Variants in LDB2 observed in about 807,000 individuals in gnomAD.
LDB2 encodes the protein LIM domain binding 2, also known as LIM domain-binding protein 2.
A neutral mutation model predicts 44.3 loss-of-function variants in LDB2; 12 were observed. The ratio of observed to expected loss-of-function variants is 0.27; its 90% confidence interval spans 0.17 to 0.44. The LOEUF is 0.44. Among genes scored for constraint, LDB2 ranks in the 20% least tolerant of loss-of-function variants. LDB2 has a pLI of 1.00. For missense variants in LDB2, 344 were observed against 473.5 expected, an observed-to-expected ratio of 0.73 and a Z score of 2.54; for synonymous variants, 164 against 174.8, an observed-to-expected ratio of 0.94 and a Z score of 0.49.
intron 1 of LDB2, among the ~76,000 whole-genome samples, chr4:16,873,085 T>G (rs936144747): frequency 1.9e-4 from 29 of 152,066 alleles, no homozygotes; most frequent in Non-Finnish European, 2.9e-4. Context: ...GAATGGTGTA[T>G]CGGGCATTTC....
chr4:16,822,172 G>T (rs1385417293), intron 1 of LDB2, among the ~76,000 whole-genome samples: 2 of 151,876 alleles, frequency 1.3e-5, no homozygotes, highest in East Asian at 3.9e-4. Flanking sequence ...CAGCTCAGCT[G>T]CTATCTGTGT....
intron 1 of LDB2, among the ~76,000 whole-genome samples, chr4:16,895,120 T>TAAAAAAAA (rs71181199): frequency 8.0e-6 from 1 of 124,666 alleles, no homozygotes; most frequent in Non-Finnish European, 1.7e-5. Context: ...TTTTTCATGC[T>TAAAAAAAA]AAAAAAAAAA....
chr4:16,776,742 GA>G (rs1579564557), intron 1 of LDB2, among the ~76,000 whole-genome samples: 2 of 152,226 alleles, frequency 1.3e-5, no homozygotes, highest in African/African-American at 4.8e-5. Flanking sequence ...GTGTACAGCA[GA>G]AAAGCAGTAA....
chr4:16,614,769 T>A (rs938584799), intron 2 of LDB2, among the ~76,000 whole-genome samples: 2 of 151,660 alleles, frequency 1.3e-5, no homozygotes, highest in African/African-American at 4.8e-5. Context: ...AGAATGGTGA[T>A]TAGTAAAAAG....
At chr4:16,520,618 C>T (rs1431014598) in intron 5 of LDB2, among the ~76,000 whole-genome samples, 2 of 152,194 alleles carry the variant, frequency 1.3e-5, no homozygotes, top group Non-Finnish European at 2.9e-5. Context: ...ACCCTGGAGA[C>T]AGGGTGTCCC....
chr4:16,812,631 A>ATGTGTGTGTGTGTGTGTGTGTGTG lies in LDB2; in HGVS notation c.133-53395_133-53372dup, dbSNP rs5856389. Among the ~76,000 whole-genome samples, 4 of 126,050 alleles carry ATGTGTGTGTGTGTGTGTGTGTGTG rather than the reference A, an allele frequency of 3.2e-5. No homozygotes were observed. In the South Asian group the frequency reaches 8.1e-4, roughly 26 times the overall value. The allele number at this position is 126,050 out of a possible 152,430, so 82.7% of individuals were successfully genotyped here. On this transcript the variant is annotated intron_variant, in intron 1 of 7. Coordinates refer to ENST00000304523, the MANE Select transcript of LDB2 (RefSeq NM_001290.5). Reference sequence around the variant, plus strand: ...ATATATATATCTGTGTATTAAATATATGTGTGTGTGTGTGTGTGTGTGTGT... The same window carrying ATGTGTGTGTGTGTGTGTGTGTGTG: ...ATATATATATCTGTGTATTAAATATATGTGTGTGTGTGTGTGTGTGTGTGTGTGTGTGTGTGTGTGTGTGTGTGT...
chr4:16,707,935 T>G (rs532270432), intron 2 of LDB2, among the ~76,000 whole-genome samples: 2 of 152,316 alleles, frequency 1.3e-5, no homozygotes, highest in Admixed American at 6.5e-5. Flanking sequence ...CATGCAAACT[T>G]AGATAATACA....
intron 2 of LDB2, among the ~76,000 whole-genome samples, chr4:16,733,034 C>A (rs188338365): frequency 1.5e-3 from 223 of 152,252 alleles, no homozygotes; most frequent in African/African-American, 5.2e-3. Flanking sequence ...TGACTGGAAC[C>A]AGATACACGT....
chr4:16,815,359 C>G (rs1780707997), intron 1 of LDB2, among the ~76,000 whole-genome samples: 1 of 152,170 alleles, frequency 6.6e-6, no homozygotes, highest in African/African-American at 2.4e-5. Context: ...ATAGAAGAGC[C>G]TCTTTTAATT....
At chr4:16,739,915 A>G in intron 2 of LDB2, among the ~76,000 whole-genome samples, 1 of 151,320 alleles carries the variant, frequency 6.6e-6, no homozygotes. Flanking sequence ...ATATTAAAGC[A>G]ACTATTTTTA....
chr4:16,672,815 C>T (rs896972589), intron 2 of LDB2, among the ~76,000 whole-genome samples: 2 of 76,094 alleles, frequency 2.6e-5, no homozygotes, highest in African/African-American at 1.1e-4. Flanking sequence ...TGCTTGCGTG[C>T]CTGCCTGCCT....
intron 1 of LDB2, among the ~76,000 whole-genome samples, chr4:16,865,658 G>A (rs1198912907): frequency 6.6e-6 from 1 of 152,216 alleles, no homozygotes; most frequent in Non-Finnish European, 1.5e-5. Flanking sequence ...CACACCAGCA[G>A]AGAGCAGTTG....
chr4:16,657,797 A>G (rs1166808291), intron 2 of LDB2, among the ~76,000 whole-genome samples: 1 of 152,220 alleles, frequency 6.6e-6, no homozygotes, highest in African/African-American at 2.4e-5. Flanking sequence ...GGTGAATTAG[A>G]TTAGACATTT....
intron 2 of LDB2, among the ~76,000 whole-genome samples, chr4:16,701,615 C>G (rs1377079056): frequency 1.3e-5 from 2 of 152,126 alleles, no homozygotes; most frequent in Non-Finnish European, 2.9e-5. Context: ...AGTTAAGTAA[C>G]CTTTGGAAAG....
At chr4:16,862,376 G>A (rs937689766) in intron 1 of LDB2, among the ~76,000 whole-genome samples, 3 of 152,002 alleles carry the variant, frequency 2.0e-5, no homozygotes, top group Non-Finnish European at 4.4e-5. Flanking sequence ...GCTTACACCT[G>A]TAATCCCAGC....
intron 1 of LDB2, among the ~76,000 whole-genome samples, chr4:16,887,881 C>T (rs1722219936): frequency 6.6e-6 from 1 of 151,846 alleles, no homozygotes; most frequent in Non-Finnish European, 1.5e-5. Flanking sequence ...AATAGGAATT[C>T]TTCAAATCAG....
chr4:16,697,009 T>A (rs1225347715), intron 2 of LDB2, among the ~76,000 whole-genome samples: 1 of 152,092 alleles, frequency 6.6e-6, no homozygotes, highest in African/African-American at 2.4e-5. Flanking sequence ...GGACAGAATA[T>A]GGAAATGGTA....
At chr4:16,620,264 G>A (rs1728525943) in intron 2 of LDB2, among the ~76,000 whole-genome samples, 1 of 152,162 alleles carries the variant, frequency 6.6e-6, no homozygotes, top group Non-Finnish European at 1.5e-5. Flanking sequence ...TCACTGGATA[G>A]GCTCATATCA....
Position 16,751,603 on chromosome 4 carries a change from G to A in LDB2, c.235+7555C>T, listed in dbSNP as rs186102325. 6.1e-4 allele frequency among the ~76,000 whole-genome samples: 93 copies of A among 152,266 alleles called. 1 individual carries two copies. The highest frequency in any genetic ancestry group is 2.0e-3 in the African/African-American group (81 of 41,536). ...GACTAGTCCTAGATTTTCCATTAAT[G>A]TCACAAGAATATTCTCTTTCTGAGC... On this transcript the variant is annotated intron_variant, in intron 2 of 7. Transcript: ENST00000304523.
Sources: allele counts gnomAD v4.1 joint callset (sites outside exome capture counted in the v4.1 genomes callset), GRCh38; gene constraint gnomAD v4.1.1; transcripts MANE v1.5; gene names NCBI Gene and HGNC (gene_info 2026-07-23, HGNC 2026-07-21).